Variants in ADAMTSL3 observed in about 807,000 individuals in gnomAD.
ADAMTSL3 encodes ADAMTS-like protein 3.
ADAMTSL3 carries 128 observed loss-of-function variants against 201.7 expected under a neutral mutation model. The observed-to-expected ratio is 0.63, with a 90% CI of 0.55 to 0.73. The LOEUF (loss-of-function observed/expected upper bound fraction) is 0.73, where lower values mean the gene tolerates loss of function less well. ADAMTSL3 is among the 30% of genes least tolerant of loss of function. The probability of loss-of-function intolerance (pLI) is 0.00; values close to 1 mark genes in which losing one functional copy is unlikely to be tolerated. For synonymous variants in ADAMTSL3, 738 were observed against 748.4 expected (o/e 0.99, Z 0.23); for missense variants, 1,990 against 2,119.6 (o/e 0.94, Z 1.20).
At chr15:83,910,305 C>G (rs892015315) in intron 15 of ADAMTSL3, among the ~76,000 whole-genome samples, 10 of 150,794 alleles carry the variant, frequency 6.6e-5, no homozygotes, top group Admixed American at 1.3e-4. Context: ...ATGGCTCTTT[C>G]AATGTATTCC....
At chr15:83,845,046 G>T (rs1340197199) in intron 7 of ADAMTSL3, among the ~76,000 whole-genome samples, 2 of 152,296 alleles carry the variant, frequency 1.3e-5, no homozygotes, top group Admixed American at 1.3e-4. Context: ...CCCCCGATGG[G>T]CCTTTGCACC....
chr15:83,969,034 A>G (rs2067143249), intron 19 of ADAMTSL3, among the ~76,000 whole-genome samples: 1 of 152,184 alleles, frequency 6.6e-6, no homozygotes, highest in Admixed American at 6.5e-5. Flanking sequence ...GGATAGCATT[A>G]GAAGAAATAC....
chr15:83,791,363 A>G (rs543575202), intron 4 of ADAMTSL3, among the ~76,000 whole-genome samples: 1 of 152,204 alleles, frequency 6.6e-6, no homozygotes, highest in Non-Finnish European at 1.5e-5. Flanking sequence ...AGCAAAACAC[A>G]ATGGCAATGG....
chr15:83,924,160 C>T lies in ADAMTSL3; in HGVS notation c.2117+127C>T, dbSNP rs2066205844. 4 of 1,245,090 alleles carry T rather than the reference C, an allele frequency of 3.2e-6. No individual in the cohort carries two copies. The South Asian group carries it at 6.7e-5, about 21-fold the overall frequency. The allele number at this position is 1,245,090 out of a possible 1,614,324, so 77.1% of individuals were successfully genotyped here. A position where few individuals can be genotyped will look rare whatever the true frequency, so the allele number is the denominator to read the frequency against. ...TAGATGTGCTAAGCCTGCTTCAGAG[C>T]TCTCTTTGCTCAAGTTATGCTCCAG... On this transcript the variant is annotated intron_variant, in intron 17 of 29. Coordinates refer to ENST00000286744, the MANE Select transcript of ADAMTSL3 (RefSeq NM_207517.3).
At position 83,756,084 on chromosome 15, in the gene ADAMTSL3, A is replaced by G. The variant is rs547944561; in HGVS notation, c.190-17439A>G. ...CCCCCTGCTTTCAATACTTTTGGGTATATACACAGCAGTGGAATTGCTGGA... is the reference window on the plus strand; with the variant it reads ...CCCCCTGCTTTCAATACTTTTGGGTGTATACACAGCAGTGGAATTGCTGGA... On this transcript the variant is annotated intron_variant, in intron 3 of 29. Coordinates refer to ENST00000286744, the MANE Select transcript of ADAMTSL3 (RefSeq NM_207517.3). Among the ~76,000 whole-genome samples, 7 of 152,328 alleles carry G rather than the reference A, an allele frequency of 4.6e-5. No individual in the cohort carries two copies. The East Asian group carries it at 1.2e-3, about 25-fold the overall frequency.
chr15:83,732,993 T>A (rs538685175), intron 3 of ADAMTSL3, among the ~76,000 whole-genome samples: 56 of 152,248 alleles, frequency 3.7e-4, no homozygotes, highest in African/African-American at 1.3e-3. Flanking sequence ...AAGAGCACAA[T>A]ACTGCATTGT....
At chr15:83,993,465 AT>A (rs1249656048) in intron 23 of ADAMTSL3, among the ~76,000 whole-genome samples, 1 of 152,174 alleles carries the variant, frequency 6.6e-6, no homozygotes, top group Non-Finnish European at 1.5e-5. Flanking sequence ...GGCATATATA[AT>A]TTTTTTATTT....
intron 5 of ADAMTSL3, among the ~76,000 whole-genome samples, chr15:83,810,175 C>G (rs534513935): frequency 6.6e-6 from 1 of 152,322 alleles, no homozygotes; most frequent in Admixed American, 6.5e-5. Flanking sequence ...AGATTTTTAT[C>G]AACCGAGTCC....
At chr15:83,658,098 AAT>A (rs1222138869) in intron 2 of ADAMTSL3, among the ~76,000 whole-genome samples, 1 of 152,170 alleles carries the variant, frequency 6.6e-6, no homozygotes, top group East Asian at 1.9e-4. Context: ...ATTAATAACA[AAT>A]AGAGTTTCCT....
At chr15:83,853,748 T>G (rs2141754012) in intron 7 of ADAMTSL3, among the ~76,000 whole-genome samples, 1 of 152,294 alleles carries the variant, frequency 6.6e-6, no homozygotes. Flanking sequence ...GTTAATGACA[T>G]TGGAATGTAG....
chr15:83,775,325 G>C (rs920639264), intron 4 of ADAMTSL3, among the ~76,000 whole-genome samples: 2 of 151,830 alleles, frequency 1.3e-5, no homozygotes, highest in African/African-American at 4.8e-5. Context: ...GAAAGGTGTG[G>C]GATTTATTTG....
At chr15:83,761,654 C>A (rs1021200124) in intron 3 of ADAMTSL3, among the ~76,000 whole-genome samples, 1 of 152,140 alleles carries the variant, frequency 6.6e-6, no homozygotes, top group African/African-American at 2.4e-5. Context: ...TTTAATCTTA[C>A]CTGATGTTGT....
chr15:83,938,395 G>C (rs919378143), intron 17 of ADAMTSL3, among the ~76,000 whole-genome samples: 3 of 152,146 alleles, frequency 2.0e-5, no homozygotes, highest in African/African-American at 7.2e-5. Context: ...TCATGGTCAG[G>C]TGTTCCACCA....
At chr15:83,817,439 T>G (rs1353662801) in intron 5 of ADAMTSL3, among the ~76,000 whole-genome samples, 2 of 152,306 alleles carry the variant, frequency 1.3e-5, no homozygotes, top group African/African-American at 4.8e-5. Context: ...TTATCTGTTC[T>G]CAGAGCAGAG....
intron 3 of ADAMTSL3, among the ~76,000 whole-genome samples, chr15:83,735,548 A>G (rs1270246809): frequency 1.4e-5 from 2 of 147,458 alleles, no homozygotes; most frequent in Non-Finnish European, 1.5e-5. Flanking sequence ...AGCTTCTCCC[A>G]TGAAGAATTT....
chr15:83,669,282 A>T (rs921909220), intron 2 of ADAMTSL3, among the ~76,000 whole-genome samples: 23 of 151,632 alleles, frequency 1.5e-4, no homozygotes, highest in Non-Finnish European at 1.5e-5. Flanking sequence ...AGTAGCTGGG[A>T]TTACAGTTGT....
chr15:83,938,062 A>C (rs1457504452), intron 17 of ADAMTSL3, among the ~76,000 whole-genome samples: 1 of 147,332 alleles, frequency 6.8e-6, no homozygotes, highest in Non-Finnish European at 1.5e-5. Context: ...TTTAATCTAA[A>C]AAAGTTTATT....
At position 83,654,948 on chromosome 15, in the gene ADAMTSL3, G is replaced by A. The variant is rs536315133; in HGVS notation, c.-34+672G>A. Among the ~76,000 whole-genome samples the A allele has an allele frequency of 1.3e-5, 2 of 152,320 alleles. No homozygotes were observed. The highest frequency in any genetic ancestry group is 3.9e-4 in the East Asian group (2 of 5,170). On this transcript the variant is annotated intron_variant, in intron 1 of 29. Coordinates refer to ENST00000286744, the MANE Select transcript of ADAMTSL3 (RefSeq NM_207517.3). This position sits in a 1 kb window ranked among gnomAD's most constrained non-coding sequence, Gnocchi z 5.3. ...GGAGAGAAGCCACCGACCCGCCCCC[G>A]GACACCAGCTCCGCCAAGGCGCCCG...
At chr15:83,903,946 A>AGGGG (rs2065783321) in intron 15 of ADAMTSL3, among the ~76,000 whole-genome samples, 2 of 39,786 alleles carry the variant, frequency 5.0e-5, no homozygotes, top group Admixed American at 3.8e-4. Flanking sequence ...AAAAAAAAAG[A>AGGGG]AAAAAGAAAG....
Sources: allele counts gnomAD v4.1 joint callset (sites outside exome capture counted in the v4.1 genomes callset), GRCh38; gene constraint gnomAD v4.1.1; non-coding constraint Gnocchi (gnomAD v3.1); transcripts MANE v1.5; gene names NCBI Gene and HGNC (gene_info 2026-07-23, HGNC 2026-07-21).